The following OSBPL8 variants were observed in gnomAD, a reference collection of about 807,000 sequenced individuals.
OSBPL8 encodes oxysterol binding protein like 8.
OSBPL8 carries 59 observed loss-of-function variants against 125.5 expected under a neutral mutation model. That is an observed-to-expected ratio of 0.47 (90% confidence interval 0.38 to 0.58). The LOEUF (loss-of-function observed/expected upper bound fraction) is 0.58, where lower values mean the gene tolerates loss of function less well. Ranked by LOEUF, OSBPL8 falls within the 20% of genes least tolerant of loss-of-function variation. The pLI is 0.00. For synonymous variants in OSBPL8, 330 were observed against 338.9 expected, an observed-to-expected ratio of 0.97 and a Z score of 0.29; for missense variants, 758 against 1,047.8, an observed-to-expected ratio of 0.72 and a Z score of 3.82.
Position 76,390,514 on chromosome 12 carries a change from G to T in OSBPL8, c.1073C>A (p.Ser358Ter), listed in dbSNP as rs747870800. ...GATATATGAGTCATCTTGTCTTTCT[G>T]ATGTATCTGTGTCACTTTCTTCACT... ...GKSEESDTDT[S>*]ERQDDSYIEP... The change falls in exon 11 of 24, where the codon TCA becomes TAA. Residue 358 changes from serine (S) to a stop codon, truncating the protein, a stop_gained. Transcript: ENST00000261183. LOFTEE classifies it high-confidence loss of function. 3.1e-6 allele frequency: 5 copies of T among 1,613,818 alleles called. No homozygotes were observed. Among genetic ancestry groups the T allele is most frequent in the Non-Finnish European group, 4.2e-6 (5 of 1,179,874 alleles).
chr12:76,433,868 A>G (rs1431487278), intron 4 of OSBPL8, among the ~76,000 whole-genome samples: 4 of 151,134 alleles, frequency 2.6e-5, no homozygotes, highest in Non-Finnish European at 4.4e-5. Context: ...CCAGCTACTC[A>G]GGAGGCTGAC....
chr12:76,385,956 T>C (rs1438014982), intron 14 of OSBPL8: 5 of 601,920 alleles, frequency 8.3e-6, no homozygotes, highest in African/African-American at 3.9e-5. Flanking sequence ...AGATTTATTT[T>C]TGGTCAAAGG....
rs1448936815 is a variant in OSBPL8, at chr12:76,353,640, T to G, written c.*2249A>C. The G allele has an allele frequency of 6.6e-6, 1 of 152,386 alleles. No individual in the cohort carries two copies. Among genetic ancestry groups the G allele is most frequent in the African/African-American group, 2.4e-5 (1 of 41,432 alleles). The allele number at this position is 152,386 out of a possible 1,614,324, so 9.4% of individuals were successfully genotyped here. A position where few individuals can be genotyped will look rare whatever the true frequency, so the allele number is the denominator to read the frequency against. On this transcript the variant is annotated 3_prime_UTR_variant, in exon 24 of 24. Transcript: ENST00000261183. ...TAAAGATTCATATAACTAAGCCTAG[T>G]ACAAGCACTGATCTAAAATTAAGCC...
At position 76,528,098 on chromosome 12, in the gene OSBPL8, G is replaced by A. The variant is rs1019250309; in HGVS notation, c.-68+31299C>T. Among the ~76,000 whole-genome samples, 26 of 152,078 alleles carry A rather than the reference G, an allele frequency of 1.7e-4. 1 individual carries two copies. The highest frequency in any genetic ancestry group is 1.0e-4 in the Non-Finnish European group (7 of 68,010). ...AGCACTTTGGGAAGCCGAGGTGGGC[G>A]GATCACGAGGTCAGGAGTTCAAGAC... On this transcript the variant is annotated intron_variant, in intron 1 of 23. Coordinates refer to ENST00000261183, the MANE Select transcript of OSBPL8 (RefSeq NM_020841.5).
At chr12:76,459,204 T>G (rs1245070751) in intron 3 of OSBPL8, among the ~76,000 whole-genome samples, 1 of 152,152 alleles carries the variant, frequency 6.6e-6, no homozygotes, top group Non-Finnish European at 1.5e-5. Flanking sequence ...ACCTCAGCAA[T>G]TCTATGATTT....
chr12:76,457,479 T>G (rs1874201080), intron 3 of OSBPL8, among the ~76,000 whole-genome samples: 1 of 152,176 alleles, frequency 6.6e-6, no homozygotes, highest in Non-Finnish European at 1.5e-5. Flanking sequence ...TAAGGTACAG[T>G]TCATCTGTGA....
At chr12:76,451,980 G>A (rs1318917241) in intron 3 of OSBPL8, among the ~76,000 whole-genome samples, 14 of 152,182 alleles carry the variant, frequency 9.2e-5, no homozygotes, top group Admixed American at 3.9e-4. Flanking sequence ...TTAGGCAGAC[G>A]TGTTGGCGCG....
chr12:76,369,399 A>G (rs557115653), intron 20 of OSBPL8, 98 bp from the exon 21 acceptor site: 92 of 1,453,178 alleles, frequency 6.3e-5, no homozygotes, highest in Non-Finnish European at 7.6e-5. Context: ...ATAATTATAT[A>G]CATAGTTCTA....
chr12:76,485,648 C>G (rs1878047838), intron 2 of OSBPL8, among the ~76,000 whole-genome samples: 1 of 152,150 alleles, frequency 6.6e-6, no homozygotes, highest in South Asian at 2.1e-4. Context: ...TTTTAAGACA[C>G]TTTATTCAGA....
chr12:76,518,467 C>T (rs558685547), intron 1 of OSBPL8, among the ~76,000 whole-genome samples: 1 of 152,276 alleles, frequency 6.6e-6, no homozygotes, highest in African/African-American at 2.4e-5. Context: ...GTAGATCTAC[C>T]ATTCTGGGGT....
intron 11 of OSBPL8, 175 bp downstream of exon 11, chr12:76,390,245 A>G (rs764717468): frequency 1.3e-5 from 7 of 554,182 alleles, no homozygotes; most frequent in Non-Finnish European, 1.9e-5. Flanking sequence ...TTATGTGAGT[A>G]TATGTGTTTA....
intron 11 of OSBPL8, chr12:76,390,139 C>T (rs1043201252): frequency 2.4e-6 from 1 of 419,626 alleles, no homozygotes; most frequent in Non-Finnish European, 4.2e-6. Context: ...CGTTTCCTTG[C>T]AACTTTGCAC....
At chr12:76,433,460 A>G (rs1871087216) in intron 4 of OSBPL8, among the ~76,000 whole-genome samples, 1 of 152,124 alleles carries the variant, frequency 6.6e-6, no homozygotes, top group Non-Finnish European at 1.5e-5. Flanking sequence ...CAGTTACAAT[A>G]GCAAAAAAAA....
In OSBPL8 at chr12:76,493,544, A is replaced by G. The variant is rs148230506; in HGVS notation, c.-67-5926T>C. Reference sequence around the variant, plus strand: ...TTCTTTCAGCACTTTAAATAAATATATTATTCTATTCTCTCTAGACCTGCA... The same window carrying G: ...TTCTTTCAGCACTTTAAATAAATATGTTATTCTATTCTCTCTAGACCTGCA... On this transcript the variant is annotated intron_variant, in intron 1 of 23. Coordinates refer to ENST00000261183, the MANE Select transcript of OSBPL8 (RefSeq NM_020841.5). 5.7e-3 allele frequency among the ~76,000 whole-genome samples: 869 copies of G among 152,274 alleles called. 3 individuals carry two copies. The highest frequency in any genetic ancestry group is 9.1e-3 in the South Asian group (44 of 4,824).
intron 4 of OSBPL8, among the ~76,000 whole-genome samples, chr12:76,430,057 T>C (rs946471919): frequency 1.8e-4 from 28 of 152,126 alleles, no homozygotes; most frequent in African/African-American, 6.5e-4. Context: ...CAAACAGCCA[T>C]GACCCAGCTC....
chr12:76,466,978 C>CTT (rs1269555808), intron 2 of OSBPL8, among the ~76,000 whole-genome samples: 1 of 151,586 alleles, frequency 6.6e-6, no homozygotes, highest in African/African-American at 2.4e-5. Flanking sequence ...AAAAAAAAAT[C>CTT]TTTTTTTAAT....
At chr12:76,419,406 A>C (rs1869180332) in intron 4 of OSBPL8, among the ~76,000 whole-genome samples, 1 of 152,220 alleles carries the variant, frequency 6.6e-6, no homozygotes. Context: ...CCAGGTATTC[A>C]AACAAAAATT....
chr12:76,429,330 T>C (rs1224419718), intron 4 of OSBPL8, among the ~76,000 whole-genome samples: 2 of 138,410 alleles, frequency 1.4e-5, no homozygotes, highest in Non-Finnish European at 3.3e-5. Flanking sequence ...GAGCACCTAC[T>C]ATGTGTTGGG....
chr12:76,366,579 A>G, intron 21 of OSBPL8: 1 of 449,400 alleles, frequency 2.2e-6, no homozygotes. Flanking sequence ...TTCTTCTGCT[A>G]GCTTTGGGTT....
Sources: allele counts gnomAD v4.1 joint callset (sites outside exome capture counted in the v4.1 genomes callset), GRCh38; gene constraint gnomAD v4.1.1; transcripts MANE v1.5; gene names NCBI Gene and HGNC (gene_info 2026-07-23, HGNC 2026-07-21).